KCNB2: variants seen among roughly 807,000 people sequenced by gnomAD.
KCNB2 encodes potassium voltage-gated channel subfamily B member 2.
Under a neutral mutation model 61.5 loss-of-function variants are expected in KCNB2, and 15 were observed. That is an observed-to-expected ratio of 0.24 (90% CI 0.16 to 0.38). KCNB2 has a LOEUF of 0.38. Ranked by LOEUF, KCNB2 falls within the 10% of genes least tolerant of loss-of-function variation. KCNB2 has a pLI of 1.00. For missense variants in KCNB2, 828 were observed against 1,125.2 expected (o/e 0.74, Z 3.78); for synonymous variants, 457 against 446.0 (o/e 1.02, Z -0.31).
At chr8:72,826,327 C>A (rs1317374517) in intron 2 of KCNB2, among the ~76,000 whole-genome samples, 2 of 152,150 alleles carry the variant, frequency 1.3e-5, no homozygotes, top group Non-Finnish European at 2.9e-5. Context: ...GAACACAAAT[C>A]CTACTGCAGT....
At chr8:72,794,246 G>C (rs73313544) in intron 2 of KCNB2, among the ~76,000 whole-genome samples, 4,034 of 152,180 alleles carry the variant, frequency 0.027, 61 homozygotes, top group African/African-American at 0.037. Flanking sequence ...TACTGGATTG[G>C]AGATGGGATG....
At chr8:72,708,332 A>G (rs573325023) in intron 2 of KCNB2, among the ~76,000 whole-genome samples, 2 of 152,306 alleles carry the variant, frequency 1.3e-5, no homozygotes, top group African/African-American at 4.8e-5. Context: ...TGGAAAGGAC[A>G]TTATTTCAAC....
intron 2 of KCNB2, among the ~76,000 whole-genome samples, chr8:72,728,876 TTTAAG>T (rs1230554107): frequency 7.2e-5 from 11 of 152,228 alleles, no homozygotes; most frequent in African/African-American, 2.7e-4. Context: ...TTGAGGTGAA[TTTAAG>T]TTAAGTGGTT....
intron 2 of KCNB2, among the ~76,000 whole-genome samples, chr8:72,779,222 G>A (rs997589264): frequency 6.6e-6 from 1 of 152,204 alleles, no homozygotes; most frequent in African/African-American, 2.4e-5. Flanking sequence ...AAAGCCAAAG[G>A]ATAGTGCAGC....
chr8:72,561,955 C>G (rs1185504504), intron 1 of KCNB2, among the ~76,000 whole-genome samples: 1 of 150,992 alleles, frequency 6.6e-6, no homozygotes, highest in Non-Finnish European at 1.5e-5. Context: ...CTTCAGATAT[C>G]TACTGCAAAT....
chr8:72,622,461 A>G (rs1294566752), intron 2 of KCNB2, among the ~76,000 whole-genome samples: 2 of 152,224 alleles, frequency 1.3e-5, no homozygotes, highest in African/African-American at 4.8e-5. Flanking sequence ...TGTGATATGA[A>G]TATCATGATC....
chr8:72,642,401 T>C (rs1433328513), intron 2 of KCNB2, among the ~76,000 whole-genome samples: 2 of 152,150 alleles, frequency 1.3e-5, no homozygotes, highest in African/African-American at 4.8e-5. Flanking sequence ...ATTGAATTTC[T>C]AGTAGGCAGC....
Position 72,561,723 on chromosome 8 carries a change from ATATATC to A in KCNB2, c.-93-5907_-93-5902del, listed in dbSNP as rs1285487848. Among the ~76,000 whole-genome samples, 47 of 31,770 alleles carry A rather than the reference ATATATC, an allele frequency of 1.5e-3. 6 individuals carry two copies. Among genetic ancestry groups the A allele is most frequent in the African/African-American group, 2.6e-3 (9 of 3,520 alleles). 20.8% of individuals were successfully genotyped at this position (31,770 alleles called of 152,430 possible). ...TATATATATATATATATATATATAT[ATATATC>A]TATATCTATATATATATGTATATAT... On this transcript the variant is annotated intron_variant, in intron 1 of 2. Transcript: ENST00000523207.
Position 72,828,325 on chromosome 8 carries a change from T to C in KCNB2, c.580-107610T>C, listed in dbSNP as rs1439833229. ...GTCCTGAGTGCTTGGATTGTTAAAG[T>C]AATAAGCATCCCATAAGTACTTATA... On this transcript the variant is annotated intron_variant, in intron 2 of 2. Transcript: ENST00000523207. Among the ~76,000 whole-genome samples, 3 of 152,206 alleles carry C rather than the reference T, an allele frequency of 2.0e-5. No individual in the cohort carries two copies. In the East Asian group the frequency reaches 5.8e-4, roughly 29 times the overall value.
At chr8:72,662,690 C>A (rs1323634517) in intron 2 of KCNB2, among the ~76,000 whole-genome samples, 1 of 152,092 alleles carries the variant, frequency 6.6e-6, no homozygotes, top group Non-Finnish European at 1.5e-5. Context: ...TTATGGAGGT[C>A]ACAGAAAACT....
rs540803152 is a variant in KCNB2 at position 72,863,293 on chromosome 8, A to G, written c.580-72642A>G. Among the ~76,000 whole-genome samples, 12 of 152,324 alleles carry G rather than the reference A, an allele frequency of 7.9e-5. No homozygotes were observed. The South Asian group carries it at 2.5e-3, about 32-fold the overall frequency. On this transcript the variant is annotated intron_variant, in intron 2 of 2. Transcript: ENST00000523207. ...ACATTCCCTCTGCAATCTGGTTTGC[A>G]CTATTAATTTTACACTATTAAGAAA...
At chr8:72,718,709 T>A (rs1002998148) in intron 2 of KCNB2, among the ~76,000 whole-genome samples, 4 of 151,728 alleles carry the variant, frequency 2.6e-5, no homozygotes, top group Non-Finnish European at 5.9e-5. Flanking sequence ...ATCTACCTAA[T>A]GCTAAATGAT....
intron 2 of KCNB2, among the ~76,000 whole-genome samples, chr8:72,915,346 C>T (rs1041725071): frequency 1.3e-5 from 2 of 152,220 alleles, no homozygotes; most frequent in African/African-American, 4.8e-5. Flanking sequence ...AAACAGAAAA[C>T]AAGCAAGACT....
chr8:72,727,471 A>G (rs1807672412), intron 2 of KCNB2, among the ~76,000 whole-genome samples: 1 of 152,220 alleles, frequency 6.6e-6, no homozygotes, highest in Non-Finnish European at 1.5e-5. Flanking sequence ...AGTGTTATAA[A>G]GTGGAAGCAT....
intron 2 of KCNB2, among the ~76,000 whole-genome samples, chr8:72,621,951 A>G (rs1042728009): frequency 1.3e-5 from 2 of 152,166 alleles, no homozygotes; most frequent in Admixed American, 1.3e-4. Context: ...ATGTTATTTC[A>G]CCTGCTCTAT....
In KCNB2 at chr8:72,699,845, T is replaced by C. The variant is rs191753111; in HGVS notation, c.579+131532T>C. On this transcript the variant is annotated intron_variant, in intron 2 of 2. Coordinates refer to ENST00000523207, the MANE Select transcript of KCNB2 (RefSeq NM_004770.3). ...TTTGACCCAGCAATCCCATTATGGG[T>C]ATATACCCAAAGGATTATAAATCAT... Among the ~76,000 whole-genome samples, 100 of 152,278 alleles carry C rather than the reference T, an allele frequency of 6.6e-4. 1 individual carries two copies. The highest frequency in any genetic ancestry group is 2.9e-3 in the Admixed American group (44 of 15,286).
rs577865411 is a variant in KCNB2, at chr8:72,814,203, T to C, written c.580-121732T>C. Among the ~76,000 whole-genome samples the C allele has an allele frequency of 6.0e-4, 91 of 152,282 alleles. No individual in the cohort carries two copies. In the South Asian group the frequency reaches 7.3e-3, roughly 12 times the overall value. On this transcript the variant is annotated intron_variant, in intron 2 of 2. Coordinates refer to ENST00000523207, the MANE Select transcript of KCNB2 (RefSeq NM_004770.3). ...AATTTAATTATCATTGCTGTATAAG[T>C]ATTGCCTTGTATGAATATATCACAA...
At chr8:72,893,726 T>C (rs1585957840) in intron 2 of KCNB2, among the ~76,000 whole-genome samples, 1 of 152,324 alleles carries the variant, frequency 6.6e-6, no homozygotes. Context: ...AGTTTCTTTT[T>C]TCAACACAGA....
chr8:72,789,776 T>C (rs1270380948), intron 2 of KCNB2, among the ~76,000 whole-genome samples: 1 of 152,022 alleles, frequency 6.6e-6, no homozygotes, highest in Non-Finnish European at 1.5e-5. Flanking sequence ...GAGGGCAGTA[T>C]ATCAGAAAGT....
Sources: gnomAD v4.1 joint callset for allele counts (sites outside exome capture counted in the v4.1 genomes callset) on GRCh38, gnomAD v4.1.1 for gene constraint, MANE v1.5 for transcripts, NCBI Gene and HGNC (gene_info 2026-07-23, HGNC 2026-07-21) for gene names.